The following LRP1B variants were observed in gnomAD, a reference collection of about 807,000 sequenced individuals.
The protein encoded by LRP1B is LDL receptor related protein 1B.
In LRP1B, 217 loss-of-function variants were observed where a neutral mutation model predicts 556.6. The ratio of observed to expected loss-of-function variants is 0.39; its 90% CI spans 0.35 to 0.44. The LOEUF is 0.44. LRP1B is among the 20% of genes least tolerant of loss of function. The pLI is 1.00. For synonymous variants in LRP1B, 2,047 were observed against 1,865.8 expected (o/e 1.10, Z -2.50); for missense variants, 5,053 against 5,620.8 (o/e 0.90, Z 3.23).
chr2:140,722,684 AC>A (rs1170045484), intron 35 of LRP1B, among the ~76,000 whole-genome samples: 1 of 152,238 alleles, frequency 6.6e-6, no homozygotes, highest in Non-Finnish European at 1.5e-5. Context: ...GCTTCCCTTT[AC>A]TGTTTAATAA....
chr2:141,583,177 A>G (rs1156284596), intron 2 of LRP1B, among the ~76,000 whole-genome samples: 2 of 152,128 alleles, frequency 1.3e-5, no homozygotes, highest in East Asian at 3.9e-4. Flanking sequence ...GTGAACTTCT[A>G]ATGTCAAACA....
At chr2:140,575,387 T>C (rs992493505) in intron 43 of LRP1B, among the ~76,000 whole-genome samples, 1 of 152,192 alleles carries the variant, frequency 6.6e-6, no homozygotes, top group Non-Finnish European at 1.5e-5. Flanking sequence ...GTAATCCATA[T>C]AGACATAATT....
intron 3 of LRP1B, among the ~76,000 whole-genome samples, chr2:141,350,258 AAAACCATTTC>A (rs1364953440): frequency 1.3e-5 from 2 of 151,964 alleles, no homozygotes; most frequent in Non-Finnish European, 2.9e-5. Flanking sequence ...TTGGAATATG[AAAACCATTTC>A]AATGGGGCAA....
chr2:141,424,229 G>T (rs993304299), intron 3 of LRP1B, among the ~76,000 whole-genome samples: 1 of 150,498 alleles, frequency 6.6e-6, no homozygotes, highest in African/African-American at 2.4e-5. Flanking sequence ...TTCTCCTGCC[G>T]CAGCCTCCAG....
intron 1 of LRP1B, among the ~76,000 whole-genome samples, chr2:141,977,662 A>G (rs750540865): frequency 4.6e-5 from 7 of 152,198 alleles, no homozygotes; most frequent in African/African-American, 1.7e-4. Context: ...GGGTTTGGAC[A>G]TTAGTTAAAC....
intron 66 of LRP1B, among the ~76,000 whole-genome samples, chr2:140,406,812 T>C (rs1684758469): frequency 6.6e-6 from 1 of 152,110 alleles, no homozygotes; most frequent in Non-Finnish European, 1.5e-5. Flanking sequence ...AAAATGCCAT[T>C]ATCATTTTTC....
chr2:142,079,836 A>G (rs1183765348), intron 1 of LRP1B, among the ~76,000 whole-genome samples: 3 of 152,066 alleles, frequency 2.0e-5, no homozygotes, highest in Non-Finnish European at 4.4e-5. Context: ...TGTTATAAGC[A>G]GATATCTTAT....
At chr2:140,748,810 CATGT>C (rs1688461561) in intron 35 of LRP1B, among the ~76,000 whole-genome samples, 1 of 99,440 alleles carries the variant, frequency 1.0e-5, no homozygotes, top group Non-Finnish European at 2.0e-5. Flanking sequence ...ATATTATATA[CATGT>C]ATATAATATA....
At chr2:140,332,730 C>T (rs1291234794) in intron 79 of LRP1B, among the ~76,000 whole-genome samples, 2 of 151,996 alleles carry the variant, frequency 1.3e-5, no homozygotes, top group East Asian at 1.9e-4. Flanking sequence ...TGTGCTCCTT[C>T]CCCTTCTCTC....
chr2:141,974,882 T>C (rs1039266157), intron 1 of LRP1B, among the ~76,000 whole-genome samples: 3 of 152,110 alleles, frequency 2.0e-5, no homozygotes, highest in African/African-American at 7.2e-5. Flanking sequence ...AAATTCAAAT[T>C]ACTTGCTTTC....
At chr2:141,514,810 C>T (rs1026307439) in intron 2 of LRP1B, among the ~76,000 whole-genome samples, 2 of 151,632 alleles carry the variant, frequency 1.3e-5, no homozygotes, top group African/African-American at 2.4e-5. Context: ...TGTTTCATAT[C>T]TCATCTAATT....
intron 84 of LRP1B, among the ~76,000 whole-genome samples, chr2:140,282,187 C>T (rs778277189): frequency 6.6e-6 from 1 of 151,772 alleles, no homozygotes; most frequent in Non-Finnish European, 1.5e-5. Flanking sequence ...CCACCAATTT[C>T]CAATGGTGCC....
intron 3 of LRP1B, among the ~76,000 whole-genome samples, chr2:141,383,357 C>T (rs571881134): frequency 6.6e-6 from 1 of 152,136 alleles, no homozygotes; most frequent in Non-Finnish European, 1.5e-5. Flanking sequence ...AATCCCACTT[C>T]TGTGTATATA....
intron 5 of LRP1B, among the ~76,000 whole-genome samples, chr2:141,232,552 A>G (rs1683511325): frequency 6.6e-6 from 1 of 152,208 alleles, no homozygotes; most frequent in African/African-American, 2.4e-5. Context: ...CTGAGATGCA[A>G]ATGGGTTCAT....
chr2:140,626,972 A>G (rs1683686896), intron 41 of LRP1B, among the ~76,000 whole-genome samples: 1 of 152,248 alleles, frequency 6.6e-6, no homozygotes. Flanking sequence ...ACTGTTCTAC[A>G]GCCTCTCAAG....
At chr2:140,259,514 C>T (rs1681839185) in intron 86 of LRP1B, among the ~76,000 whole-genome samples, 1 of 151,838 alleles carries the variant, frequency 6.6e-6, no homozygotes, top group South Asian at 2.1e-4. Context: ...TTCTGACTCT[C>T]CATTCTTTGA....
chr2:141,454,863 C>T (rs1243140307), intron 3 of LRP1B, among the ~76,000 whole-genome samples: 1 of 152,104 alleles, frequency 6.6e-6, no homozygotes, highest in Non-Finnish European at 1.5e-5. Context: ...GGTCTTTCTC[C>T]TTATCATTAC....
At chr2:140,310,933 AAAAT>A (rs1468746233) in intron 83 of LRP1B, among the ~76,000 whole-genome samples, 9 of 151,916 alleles carry the variant, frequency 5.9e-5, no homozygotes, top group Admixed American at 1.3e-4. Context: ...TCTGCATAGC[AAAAT>A]AAATAATCAC....
At chr2:141,366,695 G>A (rs906570960) in intron 3 of LRP1B, among the ~76,000 whole-genome samples, 1 of 152,168 alleles carries the variant, frequency 6.6e-6, no homozygotes, top group African/African-American at 2.4e-5. Flanking sequence ...CTTAAGTAAA[G>A]GAGATTCAAG....
Sources: gnomAD v4.1 joint callset for allele counts (sites outside exome capture counted in the v4.1 genomes callset) on GRCh38, gnomAD v4.1.1 for gene constraint, MANE v1.5 for transcripts, NCBI Gene and HGNC (gene_info 2026-07-23, HGNC 2026-07-21) for gene names.